The following SGPL1 variants were observed in gnomAD, a reference collection of about 807,000 sequenced individuals.
The protein encoded by SGPL1 is SP-lyase 1.
A neutral mutation model predicts 68.9 loss-of-function variants in SGPL1; 37 were observed. The observed-to-expected ratio is 0.54, with a 90% CI of 0.41 to 0.71. The LOEUF is 0.71. Ranked by LOEUF, SGPL1 falls within the 30% of genes least tolerant of loss-of-function variation. SGPL1 has a pLI of 0.00. For synonymous variants in SGPL1, 236 were observed against 248.5 expected, an observed-to-expected ratio of 0.95 and a Z score of 0.47; for missense variants, 551 against 704.6, an observed-to-expected ratio of 0.78 and a Z score of 2.47.
intron 2 of SGPL1, among the ~76,000 whole-genome samples, chr10:70,818,354 A>C (rs534328438): frequency 8.9e-4 from 136 of 152,310 alleles, no homozygotes; most frequent in African/African-American, 3.2e-3. Flanking sequence ...TCCTAACCTC[A>C]GGTGATCCAC....
intron 14 of SGPL1, among the ~76,000 whole-genome samples, 173 bp from the exon 15 acceptor site, chr10:70,877,022 A>G (rs1846401911): frequency 6.6e-6 from 1 of 152,234 alleles, no homozygotes; most frequent in African/African-American, 2.4e-5. Context: ...CCTGTGAAAA[A>G]TTGACTATGC....
intron 12 of SGPL1, 81 bp from the exon 13 acceptor site, chr10:70,875,321 A>G: frequency 2.2e-6 from 2 of 899,700 alleles, no homozygotes; most frequent in Non-Finnish European, 3.5e-6. Flanking sequence ...GAAGACTTTG[A>G]ATGATTAAAG....
intron 3 of SGPL1, among the ~76,000 whole-genome samples, chr10:70,850,643 T>G (rs890640610): frequency 6.8e-4 from 104 of 152,220 alleles, no homozygotes; most frequent in African/African-American, 2.4e-3. Flanking sequence ...AACCTATATA[T>G]CCATCATTAA....
At chr10:70,821,707 A>G (rs1845340354) in intron 2 of SGPL1, among the ~76,000 whole-genome samples, 1 of 152,188 alleles carries the variant, frequency 6.6e-6, no homozygotes, top group Non-Finnish European at 1.5e-5. Context: ...AATAGTGGTG[A>G]GGTTGAGAAA....
At chr10:70,840,650 T>C (rs1845699987) in intron 2 of SGPL1, among the ~76,000 whole-genome samples, 1 of 152,162 alleles carries the variant, frequency 6.6e-6, no homozygotes, top group Non-Finnish European at 1.5e-5. Context: ...TACAGTGTCA[T>C]TCTGTCTTTG....
intron 3 of SGPL1, among the ~76,000 whole-genome samples, chr10:70,846,472 T>C (rs111448339): frequency 1.3e-5 from 2 of 152,352 alleles, no homozygotes; most frequent in African/African-American, 4.8e-5. Context: ...CATTTTTAAG[T>C]GTACAGTTAG....
chr10:70,822,476 A>G (rs1022031140), intron 2 of SGPL1, among the ~76,000 whole-genome samples: 2 of 152,234 alleles, frequency 1.3e-5, no homozygotes, highest in African/African-American at 2.4e-5. Context: ...GTTTGTGCAC[A>G]TTGGTGGCAG....
chr10:70,856,104 C>T (rs974466565), intron 5 of SGPL1, among the ~76,000 whole-genome samples: 26 of 152,118 alleles, frequency 1.7e-4, no homozygotes, highest in African/African-American at 5.6e-4. Context: ...AAGCAATTCT[C>T]GTGCCTCAGC....
chr10:70,833,250 T>C (rs1434666090), intron 2 of SGPL1, among the ~76,000 whole-genome samples: 2 of 152,222 alleles, frequency 1.3e-5, no homozygotes, highest in Non-Finnish European at 2.9e-5. Context: ...CAAGTGTACA[T>C]ATCTGGCAAG....
chr10:70,850,472 G>A (rs1845861863), intron 3 of SGPL1, among the ~76,000 whole-genome samples: 1 of 152,184 alleles, frequency 6.6e-6, no homozygotes, highest in Non-Finnish European at 1.5e-5. Flanking sequence ...AGAAACCTTA[G>A]GAAGGTCAAG....
rs758084191 is a variant in SGPL1, at chr10:70,869,888, G to A, written c.801G>A (p.Val267=). The A allele has an allele frequency of 4.3e-6, 7 of 1,613,836 alleles. No homozygotes were observed. The South Asian group carries it at 6.6e-5, about 15-fold the overall frequency. Residue 267 remains valine, a synonymous_variant, in exon 9 of 15, where the codon GTG becomes GTA. Transcript: ENST00000373202. ...VRVPLTKMME[V]DVRAMRRAIS... ...TCCCATTGACGAAGATGATGGAGGT[G>A]GATGTGCGGGTGAGTCCCTCTGGAG...
Position 70,829,698 on chromosome 10 carries a change from G to A in SGPL1, c.27+12818G>A, listed in dbSNP as rs1472024924. 2.0e-5 allele frequency among the ~76,000 whole-genome samples: 3 copies of A among 152,236 alleles called. No homozygotes were observed. The East Asian group carries it at 5.8e-4, about 29-fold the overall frequency. On this transcript the variant is annotated intron_variant, in intron 2 of 14. Coordinates refer to ENST00000373202, the MANE Select transcript of SGPL1 (RefSeq NM_003901.4). ...CACATCACACAGCTTCTAAGTGAGA[G>A]CTAAAATTAGAGCCGAAGGTTTTGA...
intron 7 of SGPL1, chr10:70,866,517 G>T (rs1435433920): frequency 6.6e-6 from 1 of 152,234 alleles, no homozygotes; most frequent in Non-Finnish European, 1.5e-5. Context: ...TGAAGCAGGT[G>T]ACTAGGAATT....
rs1470425494 is a variant in SGPL1, at chr10:70,817,007, T to G, written c.27+127T>G. ...TGGTAGCTGAGCGTTTTGCCACCTT[T>G]TATTTTGTTTTGTTTTGTTTTGTTT... On this transcript the variant is annotated intron_variant, in intron 2 of 14. Coordinates refer to ENST00000373202, the MANE Select transcript of SGPL1 (RefSeq NM_003901.4). 2.1e-5 allele frequency: 20 copies of G among 969,374 alleles called. No individual in the cohort carries two copies. In the Admixed American group the frequency reaches 3.3e-4, roughly 16 times the overall value. 60.0% of individuals were successfully genotyped at this position (969,374 alleles called of 1,614,324 possible). A position where few individuals can be genotyped will look rare whatever the true frequency, so the allele number is the denominator to read the frequency against.
At chr10:70,851,741 C>T (rs756904647) in intron 4 of SGPL1, among the ~76,000 whole-genome samples, 6 of 152,104 alleles carry the variant, frequency 3.9e-5, no homozygotes, top group Non-Finnish European at 7.4e-5. Flanking sequence ...ACATTTTGGG[C>T]TCTGTAGGCC....
In SGPL1 at chr10:70,844,591, G is replaced by A. The variant is rs1014489063; in HGVS notation, c.146G>A (p.Trp49Ter). The A allele has an allele frequency of 6.2e-7, 1 of 1,614,048 alleles. No homozygotes were observed. The highest frequency in any genetic ancestry group is 8.5e-7 in the Non-Finnish European group (1 of 1,179,974). ...PWQLIAWSVV[W>*]TLLIVWGYEF... ...CAGCTAATTGCATGGAGTGTCGTGT[G>A]GACCCTGCTGATAGTCTGGGGATAT... The change falls in exon 3 of 15, where the codon TGG becomes TAG. Residue 49 changes from tryptophan to a stop codon, truncating the protein, a stop_gained. Coordinates refer to ENST00000373202, the MANE Select transcript of SGPL1 (RefSeq NM_003901.4). LOFTEE classifies it high-confidence loss of function.
At chr10:70,870,200 T>C (rs886111100) in intron 9 of SGPL1, among the ~76,000 whole-genome samples, 2 of 152,122 alleles carry the variant, frequency 1.3e-5, no homozygotes, top group African/African-American at 2.4e-5. Flanking sequence ...TCACTTCCCC[T>C]AAGACTCTTA....
Position 70,851,228 on chromosome 10 carries a change from A to G in SGPL1, c.261+18A>G. The G allele has an allele frequency of 1.3e-6, 2 of 1,591,068 alleles. No homozygotes were observed. Among genetic ancestry groups the G allele is most frequent in the South Asian group, 1.1e-5 (1 of 90,536 alleles). ...GTCGTAAGGTAAGTAGAATCTGTGT[A>G]TGTCATTTTTTCCCCTCTTGATAAT... is the stretch of plus-strand genomic sequence containing the variant. On this transcript the variant is annotated intron_variant, in intron 4 of 14. Transcript: ENST00000373202.
intron 2 of SGPL1, among the ~76,000 whole-genome samples, chr10:70,836,557 C>T (rs1273885517): frequency 2.0e-5 from 3 of 151,776 alleles, no homozygotes; most frequent in Non-Finnish European, 4.4e-5. Flanking sequence ...CCCTCTCCTC[C>T]CTTTGCCTTT....
Sources: gnomAD v4.1 joint callset for allele counts (sites outside exome capture counted in the v4.1 genomes callset) on GRCh38, gnomAD v4.1.1 for gene constraint, MANE v1.5 for transcripts, NCBI Gene and HGNC (gene_info 2026-07-23, HGNC 2026-07-21) for gene names.